The following KPNA3 variants were observed in gnomAD, a reference collection of about 807,000 sequenced individuals.
KPNA3 encodes the protein importin subunit alpha-4.
In KPNA3, 13 loss-of-function variants were observed where a neutral mutation model predicts 73.8. The observed-to-expected ratio is 0.18, with a 90% confidence interval of 0.11 to 0.28. The LOEUF (loss-of-function observed/expected upper bound fraction) is 0.28. Among genes scored for constraint, KPNA3 ranks in the 10% least tolerant of loss-of-function variants. The pLI, the probability that KPNA3 is intolerant of heterozygous loss-of-function variation, is 1.00. For missense variants in KPNA3, 360 were observed against 618.1 expected (o/e 0.58, Z 4.43); for synonymous variants, 186 against 206.9 (o/e 0.90, Z 0.87).
At chr13:49,716,517 C>T (rs1052599165) in intron 10 of KPNA3, among the ~76,000 whole-genome samples, 2 of 152,114 alleles carry the variant, frequency 1.3e-5, no homozygotes, top group Admixed American at 1.3e-4. Context: ...CGGTTCATTG[C>T]AACCTCCACC....
Position 49,788,738 on chromosome 13 carries a change from TAAAA to T in KPNA3, c.69+3696_69+3699del, listed in dbSNP as rs370220925. On this transcript the variant is annotated intron_variant, in intron 1 of 16. Coordinates refer to ENST00000261667, the MANE Select transcript of KPNA3 (RefSeq NM_002267.4). ...CCCTCTTTTTTTTTTTTTTTTTTTT[TAAAA>T]AAAAAAAGCACATTCCAGAACAAAT... Among the ~76,000 whole-genome samples, 28 of 70,246 alleles carry T rather than the reference TAAAA, an allele frequency of 4.0e-4. 1 individual carries two copies. The highest frequency in any genetic ancestry group is 1.9e-3 in the East Asian group (6 of 3,240). 46.1% of individuals were successfully genotyped at this position (70,246 alleles called of 152,430 possible).
At chr13:49,713,087 A>T (rs962924376) in intron 10 of KPNA3, among the ~76,000 whole-genome samples, 4 of 152,138 alleles carry the variant, frequency 2.6e-5, no homozygotes, top group Admixed American at 1.3e-4. Flanking sequence ...AAATAAAGGG[A>T]TGAGCAAAAG....
At chr13:49,769,186 C>T (rs577611885) in intron 1 of KPNA3, among the ~76,000 whole-genome samples, 1 of 152,218 alleles carries the variant, frequency 6.6e-6, no homozygotes, top group East Asian at 1.9e-4. Flanking sequence ...GCCAGAATGC[C>T]ACGTTACTTT....
chr13:49,718,963 GTAGA>G (rs1464385815), intron 10 of KPNA3, among the ~76,000 whole-genome samples: 2 of 48,740 alleles, frequency 4.1e-5, no homozygotes, highest in African/African-American at 1.2e-4. Context: ...TTATGTGTAT[GTAGA>G]TAAAGATTAC....
At chr13:49,741,912 T>C (rs1423698222) in intron 2 of KPNA3, among the ~76,000 whole-genome samples, 1 of 152,254 alleles carries the variant, frequency 6.6e-6, no homozygotes, top group African/African-American at 2.4e-5. Context: ...ATTGCATCTG[T>C]CTATTTTTGT....
intron 2 of KPNA3, among the ~76,000 whole-genome samples, chr13:49,736,690 T>A (rs766328804): frequency 2.6e-5 from 4 of 152,202 alleles, no homozygotes; most frequent in Admixed American, 2.6e-4. Flanking sequence ...TTACATGTAT[T>A]TGCATGTGTG....
At chr13:49,777,378 C>T (rs1954905934) in intron 1 of KPNA3, among the ~76,000 whole-genome samples, 1 of 152,172 alleles carries the variant, frequency 6.6e-6, no homozygotes, top group Non-Finnish European at 1.5e-5. Flanking sequence ...GCATAAGTCC[C>T]TTTATATAAA....
chr13:49,775,177 A>G (rs199689596), intron 1 of KPNA3, among the ~76,000 whole-genome samples: 5 of 82,362 alleles, frequency 6.1e-5, no homozygotes, highest in African/African-American at 1.3e-4. Context: ...AAAAAAAAAA[A>G]AAAAAAAAAG....
At position 49,701,550 on chromosome 13, in the gene KPNA3, A is replaced by T. The variant is rs1381281255; in HGVS notation, c.*250T>A. 1.2e-5 allele frequency: 7 copies of T among 576,988 alleles called. No homozygotes were observed. In the East Asian group the frequency reaches 2.9e-4, roughly 24 times the overall value. The allele number at this position is 576,988 out of a possible 1,614,324, so 35.7% of individuals were successfully genotyped here. A position where few individuals can be genotyped will look rare whatever the true frequency, so the allele number is the denominator to read the frequency against. ...AGCCTGTGGCACCAGGGAACAGGGAAAAATAGGGTAGTTGAGATTGTTAAG... is the reference window on the plus strand; with the variant it reads ...AGCCTGTGGCACCAGGGAACAGGGATAAATAGGGTAGTTGAGATTGTTAAG... On this transcript the variant is annotated 3_prime_UTR_variant, in exon 17 of 17. Transcript: ENST00000261667.
intron 7 of KPNA3, among the ~76,000 whole-genome samples, chr13:49,723,112 A>G (rs1434823818): frequency 1.3e-5 from 2 of 151,242 alleles, no homozygotes; most frequent in African/African-American, 4.9e-5. Context: ...TCTGTGTATT[A>G]CTTGTATTAT....
intron 1 of KPNA3, among the ~76,000 whole-genome samples, chr13:49,753,832 C>T (rs1238622039): frequency 6.6e-6 from 1 of 152,202 alleles, no homozygotes; most frequent in Admixed American, 6.5e-5. Context: ...AACCCGAAAC[C>T]ATCCTCCCCG....
chr13:49,737,298 C>T lies in KPNA3; in HGVS notation c.115-4252G>A, dbSNP rs145926412. Among the ~76,000 whole-genome samples the T allele has an allele frequency of 2.6e-5, 4 of 152,264 alleles. No homozygotes were observed. In the East Asian group the frequency reaches 7.7e-4, roughly 29 times the overall value. The stretch of plus-strand genomic sequence containing the variant: ...CAAACTGTTTTCCGGAGTGACTGTA[C>T]CATTTTACATTTCCACCACTAACAT... On this transcript the variant is annotated intron_variant, in intron 2 of 16. Transcript: ENST00000261667.
chr13:49,720,588 T>C (rs1356630319), intron 9 of KPNA3, among the ~76,000 whole-genome samples: 2 of 152,086 alleles, frequency 1.3e-5, no homozygotes, highest in Non-Finnish European at 2.9e-5. Flanking sequence ...AAAACCCATT[T>C]CTACTAAAAA....
At chr13:49,790,085 T>C (rs943878662) in intron 1 of KPNA3, among the ~76,000 whole-genome samples, 3 of 152,146 alleles carry the variant, frequency 2.0e-5, no homozygotes, top group African/African-American at 7.2e-5. Flanking sequence ...CTAACATTGA[T>C]AGATACCCAA....
chr13:49,733,331 A>G (rs548059600), intron 2 of KPNA3, among the ~76,000 whole-genome samples: 1 of 121,344 alleles, frequency 8.2e-6, no homozygotes, highest in East Asian at 2.5e-4. Context: ...TCTGTCACCC[A>G]GTCTGGAGTG....
chr13:49,746,923 T>C, intron 2 of KPNA3, 26 bp downstream of exon 2: 1 of 1,561,100 alleles, frequency 6.4e-7, no homozygotes, highest in Non-Finnish European at 8.8e-7. Flanking sequence ...TCTAATTACT[T>C]TTCTTTAAAT....
At chr13:49,757,915 GA>G (rs1156666446) in intron 1 of KPNA3, among the ~76,000 whole-genome samples, 2 of 152,126 alleles carry the variant, frequency 1.3e-5, no homozygotes, top group African/African-American at 4.8e-5. Flanking sequence ...TACCACTGGG[GA>G]AACTGGAGAA....
intron 12 of KPNA3, among the ~76,000 whole-genome samples, chr13:49,708,475 A>C (rs1009095755): frequency 6.6e-6 from 1 of 152,220 alleles, no homozygotes; most frequent in Non-Finnish European, 1.5e-5. Flanking sequence ...GTGGTTCCTC[A>C]AAAAGCTAAA....
At chr13:49,753,315 T>C (rs1218334738) in intron 1 of KPNA3, among the ~76,000 whole-genome samples, 1 of 151,942 alleles carries the variant, frequency 6.6e-6, no homozygotes, top group Non-Finnish European at 1.5e-5. Context: ...GAAGAGAAAA[T>C]TGCATCTGGA....
Sources: allele counts gnomAD v4.1 joint callset (sites outside exome capture counted in the v4.1 genomes callset), GRCh38; gene constraint gnomAD v4.1.1; transcripts MANE v1.5; gene names NCBI Gene and HGNC (gene_info 2026-07-23, HGNC 2026-07-21).